ZNF536: variants seen among roughly 807,000 people sequenced by gnomAD.
The protein encoded by ZNF536 is zinc finger protein 536.
In ZNF536, 13 loss-of-function variants were observed where a neutral mutation model predicts 84.5. The ratio of observed to expected loss-of-function variants is 0.15; its 90% confidence interval spans 0.10 to 0.24. The LOEUF is 0.24. ZNF536 is among the 10% of genes least tolerant of loss of function. The pLI is 1.00. For synonymous variants in ZNF536, 811 were observed against 742.5 expected, an observed-to-expected ratio of 1.09 and a Z score of -1.50; for missense variants, 1,536 against 1,747.5, an observed-to-expected ratio of 0.88 and a Z score of 2.16.
intron 1 of ZNF536, among the ~76,000 whole-genome samples, chr19:30,651,163 G>T (rs1028034072): frequency 6.6e-6 from 1 of 152,204 alleles, no homozygotes; most frequent in Non-Finnish European, 1.5e-5. Flanking sequence ...GAGGGGTTAG[G>T]TGGGGTCCTG....
intron 3 of ZNF536, among the ~76,000 whole-genome samples, chr19:30,544,094 C>T (rs143542829): frequency 6.6e-6 from 1 of 152,294 alleles, no homozygotes; most frequent in Admixed American, 6.5e-5. Context: ...TCTTTGTGAA[C>T]ATAAGTCCAA....
intron 2 of ZNF536, among the ~76,000 whole-genome samples, chr19:30,489,523 A>C (rs1184575313): frequency 6.6e-6 from 1 of 152,200 alleles, no homozygotes; most frequent in Non-Finnish European, 1.5e-5. Context: ...TCCAGAATGC[A>C]GTGAGCTATG....
intron 1 of ZNF536, among the ~76,000 whole-genome samples, chr19:30,628,354 G>T (rs2048762709): frequency 6.6e-6 from 1 of 151,816 alleles, no homozygotes; most frequent in Admixed American, 6.6e-5. Flanking sequence ...CTTTCCAACA[G>T]ACATACAGCT....
intron 1 of ZNF536, among the ~76,000 whole-genome samples, chr19:30,685,560 A>C (rs2051143826): frequency 6.6e-6 from 1 of 152,178 alleles, no homozygotes; most frequent in Non-Finnish European, 1.5e-5. Flanking sequence ...AAGTCAGGGC[A>C]GCTTCACCAG....
chr19:30,568,071 C>T (rs1177269637), intron 1 of ZNF536, among the ~76,000 whole-genome samples: 1 of 152,038 alleles, frequency 6.6e-6, no homozygotes. Flanking sequence ...TGAAGGAAAC[C>T]GCAGATGTAC....
At chr19:30,439,359 GGCTAAGGTAAGGAATAAAC>G (rs1397369752) in intron 1 of ZNF536, among the ~76,000 whole-genome samples, 1 of 152,178 alleles carries the variant, frequency 6.6e-6, no homozygotes, top group Non-Finnish European at 1.5e-5. Context: ...TTGACTGAAT[GGCTAAGGTAAGGAATAAAC>G]GCATTCTGGA....
At chr19:30,484,202 T>C (rs1049598028) in intron 2 of ZNF536, among the ~76,000 whole-genome samples, 1 of 151,374 alleles carries the variant, frequency 6.6e-6, no homozygotes, top group African/African-American at 2.4e-5. Flanking sequence ...AATTCATCAG[T>C]GTGGGGTGTT....
At chr19:30,297,026 C>T (rs1029384279) in intron 2 of ZNF536, among the ~76,000 whole-genome samples, 1 of 152,186 alleles carries the variant, frequency 6.6e-6, no homozygotes, top group East Asian at 1.9e-4. Flanking sequence ...CGATCAGGCA[C>T]GAGGCCCCAG....
At chr19:30,560,540 G>A (rs2046125090), downstream of ZNF536, among the ~76,000 whole-genome samples, 1 of 152,104 alleles carries the variant, frequency 6.6e-6, no homozygotes, top group African/African-American at 2.4e-5. Flanking sequence ...CCTGAGACCT[G>A]GACCCTTCCT....
At chr19:30,390,145 C>T (rs369702317) in intron 1 of ZNF536, among the ~76,000 whole-genome samples, 6 of 152,246 alleles carry the variant, frequency 3.9e-5, no homozygotes, top group East Asian at 1.9e-4. Context: ...CCTGAATCTA[C>T]TTCCTAGGGG....
At chr19:30,500,029 A>G (rs2054886128) in intron 2 of ZNF536, among the ~76,000 whole-genome samples, 1 of 152,194 alleles carries the variant, frequency 6.6e-6, no homozygotes, top group Admixed American at 6.5e-5. Flanking sequence ...AGTACTCCCA[A>G]GCTCACCTTT....
chr19:30,373,094 T>C (rs771090598), intron 1 of ZNF536, among the ~76,000 whole-genome samples: 14 of 152,230 alleles, frequency 9.2e-5, no homozygotes, highest in Non-Finnish European at 8.8e-5. Flanking sequence ...GTTCTGCTTT[T>C]TGACGTTAGA....
In ZNF536 at chr19:30,444,160, C is replaced by A; in HGVS notation, c.598C>A (p.His200Asn). Residue 200 changes from histidine (H) to asparagine (N), a missense_variant, in exon 2 of 5, where the codon CAC becomes AAC. By Grantham distance (68) the His-to-Asn change is moderately conservative. Transcript: ENST00000355537. The part of the protein sequence containing the change: ...GRVREENRLL[H>N]ELEERAILRD... ...TGTGCGCGAGGAGAACCGCCTGCTG[C>A]ACGAGCTGGAGGAGCGCGCCATCCT... is the stretch of plus-strand genomic sequence containing the variant. 1 of 1,590,646 alleles carries A rather than the reference C, an allele frequency of 6.3e-7. No homozygotes were observed. The highest frequency in any genetic ancestry group is 2.3e-5 in the East Asian group (1 of 43,482).
chr19:30,264,014 A>G (rs1349943132), intron 1 of ZNF536, among the ~76,000 whole-genome samples: 1 of 152,236 alleles, frequency 6.6e-6, no homozygotes, highest in African/African-American at 2.4e-5. Context: ...AGCCTGGTGA[A>G]CTTGAAAGGT....
chr19:30,486,781 A>G (rs1054041030), intron 2 of ZNF536, among the ~76,000 whole-genome samples: 1 of 152,122 alleles, frequency 6.6e-6, no homozygotes, highest in Non-Finnish European at 1.5e-5. Context: ...TTAACTTCTT[A>G]CATGTATTTT....
Position 30,487,290 on chromosome 19 carries a change from A to G in ZNF536, c.2170+41558A>G, listed in dbSNP as rs1003969123. On this transcript the variant is annotated intron_variant, in intron 2 of 4. Transcript: ENST00000355537. Reference sequence around the variant, plus strand: ...TAAAACAGGAATTGTGTTAAAATGTATGGCACTGGGGCATTCCATGGAGAC... The same window carrying G: ...TAAAACAGGAATTGTGTTAAAATGTGTGGCACTGGGGCATTCCATGGAGAC... 3.9e-5 allele frequency among the ~76,000 whole-genome samples: 6 copies of G among 152,240 alleles called. No individual in the cohort carries two copies. In the South Asian group the frequency reaches 6.2e-4, roughly 16 times the overall value.
intron 1 of ZNF536, among the ~76,000 whole-genome samples, chr19:30,406,255 C>G (rs76280553): frequency 0.018 from 2,764 of 152,174 alleles, 42 homozygotes; most frequent in Non-Finnish European, 0.027. Context: ...ACTAGTCAAC[C>G]GCGATGCATG....
chr19:30,379,313 C>G (rs998062551), intron 1 of ZNF536, among the ~76,000 whole-genome samples: 7 of 152,040 alleles, frequency 4.6e-5, no homozygotes, highest in African/African-American at 1.4e-4. Context: ...GAAAGAGAAG[C>G]CAGCCTGAGC....
intron 1 of ZNF536, among the ~76,000 whole-genome samples, chr19:30,705,925 T>C (rs960574817): frequency 2.6e-5 from 4 of 152,124 alleles, no homozygotes; most frequent in Non-Finnish European, 5.9e-5. Flanking sequence ...GAAACAGAGA[T>C]TCAAAATATA....
Sources: gnomAD v4.1 joint callset for allele counts (sites outside exome capture counted in the v4.1 genomes callset) on GRCh38, gnomAD v4.1.1 for gene constraint, MANE v1.5 for transcripts, NCBI Gene and HGNC (gene_info 2026-07-23, HGNC 2026-07-21) for gene names.